The following THRAP3 variants were observed in gnomAD, a reference collection of about 807,000 sequenced individuals.
The protein encoded by THRAP3 is thyroid hormone receptor associated protein 3.
Under a neutral mutation model 101.0 loss-of-function variants are expected in THRAP3, and 16 were observed. The ratio of observed to expected loss-of-function variants is 0.16; its 90% CI spans 0.11 to 0.24. THRAP3 has a LOEUF of 0.24. Among genes scored for constraint, THRAP3 ranks in the 10% least tolerant of loss-of-function variants. The probability of loss-of-function intolerance (pLI) is 1.00; values close to 1 mark genes in which losing one functional copy is unlikely to be tolerated. For missense variants in THRAP3, 989 were observed against 1,202.7 expected (o/e 0.82, Z 2.63); for synonymous variants, 407 against 422.6 (o/e 0.96, Z 0.45).
At chr1:36,299,514 T>C (rs1226806376) in intron 9 of THRAP3, among the ~76,000 whole-genome samples, 10 of 151,360 alleles carry the variant, frequency 6.6e-5, no homozygotes, top group Non-Finnish European at 4.4e-5. Context: ...TTTTGTTTTG[T>C]TTTTGAGGTA....
chr1:36,255,673 T>C (rs1312764342), intron 1 of THRAP3, among the ~76,000 whole-genome samples: 12 of 151,218 alleles, frequency 7.9e-5, no homozygotes, highest in Non-Finnish European at 4.4e-5. Context: ...CTAGGGAGGC[T>C]GAGGCAGGAG....
chr1:36,268,040 T>C (rs1002245221), intron 2 of THRAP3, among the ~76,000 whole-genome samples: 2 of 151,432 alleles, frequency 1.3e-5, no homozygotes, highest in Non-Finnish European at 2.9e-5. Flanking sequence ...ATTAGTTGGG[T>C]GTGGTAGCAC....
chr1:36,253,685 C>G (rs1297612562), intron 1 of THRAP3, among the ~76,000 whole-genome samples: 1 of 151,336 alleles, frequency 6.6e-6, no homozygotes, highest in Admixed American at 6.6e-5. Context: ...CTTCAAGCTC[C>G]TGGGCTTAAG....
intron 1 of THRAP3, among the ~76,000 whole-genome samples, chr1:36,226,723 A>G (rs901114341): frequency 5.3e-5 from 8 of 152,116 alleles, no homozygotes; most frequent in African/African-American, 1.9e-4. Flanking sequence ...TTCTATAAAC[A>G]TCTAAGATCT....
Position 36,287,272 on chromosome 1 carries a change from C to T in THRAP3, c.1040+2C>T. 6.3e-7 allele frequency: 1 copy of T among 1,587,160 alleles called. No individual in the cohort carries two copies. On this transcript the variant is annotated splice_donor_variant, in intron 4 of 11. Transcript: ENST00000354618. LOFTEE classifies it low-confidence loss of function (GC_TO_GT_DONOR). Reference sequence around the variant, plus strand: ...AGGAGGAGCAGCCTATACAAAGAGGCAAGTATCTCATTTCCCCTGCCTGGT... The same window carrying T: ...AGGAGGAGCAGCCTATACAAAGAGGTAAGTATCTCATTTCCCCTGCCTGGT...
At chr1:36,263,306 C>T (rs1645472179) in intron 2 of THRAP3, among the ~76,000 whole-genome samples, 1 of 151,990 alleles carries the variant, frequency 6.6e-6, no homozygotes, top group Non-Finnish European at 1.5e-5. Flanking sequence ...TACTATGTTG[C>T]CCAGGCTGGT....
chr1:36,294,238 G>C, intron 8 of THRAP3: 1 of 1,142,822 alleles, frequency 8.8e-7, no homozygotes, highest in Non-Finnish European at 1.1e-6. Flanking sequence ...ATATTTTTCT[G>C]CTTGTAAGTA....
upstream of THRAP3, among the ~76,000 whole-genome samples, chr1:36,220,356 T>A (rs1279596160): frequency 6.6e-6 from 1 of 152,180 alleles, no homozygotes; most frequent in Non-Finnish European, 1.5e-5. Context: ...AAAAGAGTAA[T>A]TTTGACTTTC....
At chr1:36,213,997 GGAAAGAAA>G in the THRAP3 span, among the ~76,000 whole-genome samples, 11,601 of 80,190 alleles carry the variant, frequency 0.14, 1,369 homozygotes, top group East Asian at 0.22. Flanking sequence ...AAGAAAGAAA[GGAAAGAAA>G]GAAAGAAAGA....
At chr1:36,268,723 A>AT (rs200374533) in intron 2 of THRAP3, among the ~76,000 whole-genome samples, 2,136 of 143,438 alleles carry the variant, frequency 0.015, 30 homozygotes, top group African/African-American at 0.044. Flanking sequence ...ATATGAGTTA[A>AT]TTTTTTTTTT....
intron 2 of THRAP3, among the ~76,000 whole-genome samples, chr1:36,260,322 C>G (rs759105879): frequency 6.6e-6 from 1 of 152,128 alleles, no homozygotes; most frequent in Non-Finnish European, 1.5e-5. Context: ...CTCCCTAGGG[C>G]TCTTTATGAA....
At chr1:36,264,445 G>T (rs751484188) in intron 2 of THRAP3, among the ~76,000 whole-genome samples, 1 of 152,200 alleles carries the variant, frequency 6.6e-6, no homozygotes, top group Non-Finnish European at 1.5e-5. Flanking sequence ...AACCCAGTTC[G>T]TTTTTGCTAC....
intron 2 of THRAP3, among the ~76,000 whole-genome samples, chr1:36,262,660 C>T (rs1645460848): frequency 6.6e-6 from 1 of 152,152 alleles, no homozygotes; most frequent in African/African-American, 2.4e-5. Context: ...ATCCCATTCT[C>T]AGTTTCTTCA....
rs564796429 is a variant in THRAP3, at chr1:36,278,942, AAAAAT to A, written c.-31-3577_-31-3573del. On this transcript the variant is annotated intron_variant, in intron 2 of 11. Transcript: ENST00000354618. ...CTGTCTCAAAAAAAAATAAATAAAT[AAAAAT>A]AAAATAAAATAAATACATAAATAAA... Among the ~76,000 whole-genome samples the A allele has an allele frequency of 2.4e-3, 365 of 152,076 alleles. 1 individual carries two copies. Among genetic ancestry groups the A allele is most frequent in the African/African-American group, 8.5e-3 (352 of 41,532 alleles).
At chr1:36,215,322 GCTCCTTAGGA>G in the THRAP3 span, among the ~76,000 whole-genome samples, 1 of 152,138 alleles carries the variant, frequency 6.6e-6, no homozygotes, top group Non-Finnish European at 1.5e-5. Context: ...GTGGGATCCG[GCTCCTTAGGA>G]CCTCATTGAC....
intron 1 of THRAP3, among the ~76,000 whole-genome samples, chr1:36,258,700 C>T (rs1041998149): frequency 4.6e-5 from 7 of 151,916 alleles, no homozygotes; most frequent in Non-Finnish European, 8.8e-5. Context: ...AGGATGATCT[C>T]GATCTCCTGA....
At chr1:36,297,537 C>T (rs1203733715) in intron 9 of THRAP3, among the ~76,000 whole-genome samples, 1 of 151,234 alleles carries the variant, frequency 6.6e-6, no homozygotes, top group East Asian at 2.0e-4. Context: ...CAACCTCCGC[C>T]TCGCGGGTTC....
intron 1 of THRAP3, among the ~76,000 whole-genome samples, chr1:36,230,161 C>G (rs1420825709): frequency 6.6e-6 from 1 of 151,062 alleles, no homozygotes; most frequent in Non-Finnish European, 1.5e-5. Context: ...TGTTCTTGTC[C>G]AGGCTGGAGT....
intron 1 of THRAP3, among the ~76,000 whole-genome samples, chr1:36,241,638 G>T (rs1262699886): frequency 1.3e-5 from 2 of 149,946 alleles, no homozygotes; most frequent in Admixed American, 6.6e-5. Flanking sequence ...GAGTGCAGTG[G>T]CGTGATCTTG....
Sources: allele counts gnomAD v4.1 joint callset (sites outside exome capture counted in the v4.1 genomes callset), GRCh38; gene constraint gnomAD v4.1.1; transcripts MANE v1.5; gene names NCBI Gene and HGNC (gene_info 2026-07-23, HGNC 2026-07-21).